ZFHX3: variants seen among roughly 807,000 people sequenced by gnomAD.
ZFHX3 encodes the protein zinc finger homeobox protein 3.
In ZFHX3, 42 loss-of-function variants were observed where a neutral mutation model predicts 279.1. The observed-to-expected ratio is 0.15, with a 90% CI of 0.12 to 0.19. The LOEUF (loss-of-function observed/expected upper bound fraction) is 0.19. Among genes scored for constraint, ZFHX3 ranks in the 10% least tolerant of loss-of-function variants. ZFHX3 has a pLI of 1.00. For synonymous variants in ZFHX3, 2,293 were observed against 1,957.8 expected (o/e 1.17, Z -4.52); for missense variants, 4,981 against 4,754.0 (o/e 1.05, Z -1.40).
chr16:73,090,808 G>A (rs1966066208), intron 8 of ZFHX3, among the ~76,000 whole-genome samples: 1 of 151,598 alleles, frequency 6.6e-6, no homozygotes, highest in African/African-American at 2.4e-5. Flanking sequence ...CTACTTGAGA[G>A]GCTGAGGTGG....
At chr16:73,110,023 G>A (rs2144797661) in intron 7 of ZFHX3, among the ~76,000 whole-genome samples, 1 of 152,164 alleles carries the variant, frequency 6.6e-6, no homozygotes, top group East Asian at 1.9e-4. Context: ...GGCAGATCAT[G>A]AGGTCAGGAG....
chr16:73,445,948 A>G (rs2018178424), intron 3 of ZFHX3, among the ~76,000 whole-genome samples: 1 of 152,158 alleles, frequency 6.6e-6, no homozygotes, highest in Non-Finnish European at 1.5e-5. Flanking sequence ...TTGCTGGATA[A>G]TGTTCTCTTT....
chr16:72,827,654 G>A (rs2036966639), intron 5 of ZFHX3, among the ~76,000 whole-genome samples: 1 of 152,204 alleles, frequency 6.6e-6, no homozygotes, highest in Admixed American at 6.5e-5. Context: ...CTGGGATCTT[G>A]GTCCAGGCAA....
chr16:73,715,806 TCG>T (rs1372953098), intron 1 of ZFHX3, among the ~76,000 whole-genome samples: 1 of 151,926 alleles, frequency 6.6e-6, no homozygotes, highest in African/African-American at 2.4e-5. Flanking sequence ...ACTCCTGACG[TCG>T]TGATCCACCC....
intron 5 of ZFHX3, among the ~76,000 whole-genome samples, chr16:73,176,466 A>C (rs1361450746): frequency 1.3e-5 from 2 of 152,166 alleles, no homozygotes; most frequent in Non-Finnish European, 2.9e-5. Context: ...ATTGAAGCTG[A>C]GTAACATGAG....
intron 3 of ZFHX3, among the ~76,000 whole-genome samples, chr16:73,381,560 T>C (rs1418659789): frequency 6.6e-6 from 1 of 152,162 alleles, no homozygotes; most frequent in Admixed American, 6.5e-5. Context: ...GGGCAGAAAG[T>C]GATTTATTTT....
At chr16:73,824,033 T>C (rs537328953) in intron 1 of ZFHX3, among the ~76,000 whole-genome samples, 2 of 152,334 alleles carry the variant, frequency 1.3e-5, no homozygotes, top group African/African-American at 4.8e-5. Flanking sequence ...GTTGATTCCC[T>C]TAAGGAATTA....
chr16:73,248,820 T>C (rs1567430041), intron 5 of ZFHX3, among the ~76,000 whole-genome samples: 1 of 152,100 alleles, frequency 6.6e-6, no homozygotes, highest in Admixed American at 6.5e-5. Context: ...TTTTTTTTAA[T>C]TGAAAAACAT....
At position 72,788,692 on chromosome 16, in the gene ZFHX3, G is replaced by GC; in HGVS notation, c.9583_9584insG (p.Pro3195ArgfsTer44). On this transcript the variant is annotated frameshift_variant, in exon 10 of 10. Transcript: ENST00000268489. LOFTEE classifies it high-confidence loss of function. ...CTGCTGCTGCTGCTGCTGCTGGGGG[G>GC]GTTGCTGAGGGCCCATCGCCATCGT... is the stretch of plus-strand genomic sequence containing the variant. 1.2e-6 allele frequency: 2 copies of GC among 1,612,826 alleles called. No homozygotes were observed.
intron 1 of ZFHX3, among the ~76,000 whole-genome samples, chr16:72,979,220 G>A (rs983536795): frequency 6.6e-6 from 1 of 152,226 alleles, no homozygotes; most frequent in Non-Finnish European, 1.5e-5. Flanking sequence ...CAGCGCTCCT[G>A]TGTCCAAGGC....
chr16:73,380,094 A>G (rs1261151866), intron 3 of ZFHX3, among the ~76,000 whole-genome samples: 1 of 152,260 alleles, frequency 6.6e-6, no homozygotes, highest in Admixed American at 6.5e-5. Context: ...TGTGGACATC[A>G]GAAAAAAATG....
At chr16:72,976,535 G>C (rs1011931747) in intron 1 of ZFHX3, among the ~76,000 whole-genome samples, 1 of 152,204 alleles carries the variant, frequency 6.6e-6, no homozygotes, top group Non-Finnish European at 1.5e-5. Context: ...TGTCGATACA[G>C]ACTCCTACGA....
intron 3 of ZFHX3, chr16:73,420,966 C>G (rs1469188694): frequency 6.6e-6 from 1 of 152,238 alleles, no homozygotes; most frequent in Non-Finnish European, 1.5e-5. Context: ...CATGCCCATT[C>G]TCCTTCTGCA....
intron 1 of ZFHX3, among the ~76,000 whole-genome samples, chr16:73,842,256 G>A (rs1397358626): frequency 6.6e-6 from 1 of 151,970 alleles, no homozygotes; most frequent in African/African-American, 2.4e-5. Context: ...GAGAAACAAT[G>A]ATTGCAAGCC....
chr16:73,591,692 CAAAAAAAAAAAAA>C, intron 2 of ZFHX3, among the ~76,000 whole-genome samples: 1 of 33,442 alleles, frequency 3.0e-5, no homozygotes, highest in South Asian at 2.9e-3. Flanking sequence ...GACTCTGTCT[CAAAAAAAAAAAAA>C]AAAAAAAAAA....
chr16:72,788,748 C>G lies in ZFHX3; in HGVS notation c.9528G>C (p.Ala3176=), dbSNP rs774646209. The G allele has an allele frequency of 1.3e-6, 2 of 1,583,320 alleles. No homozygotes were observed. The highest frequency in any genetic ancestry group is 1.7e-6 in the Non-Finnish European group (2 of 1,165,708). The part of the protein sequence containing the change: ...TSGLPNKPSS[A]SLSSPTPAQA... Reference sequence around the variant, plus strand: ...GTGCTGGGGTTGGGGAGCTCAGCGACGCTGAGGACGGTTTATTTGGTAATC... The same window carrying G: ...GTGCTGGGGTTGGGGAGCTCAGCGAGGCTGAGGACGGTTTATTTGGTAATC... Residue 3176 remains alanine (A), a synonymous_variant, in exon 10 of 10, where the codon GCG becomes GCC. Transcript: ENST00000268489.
intron 5 of ZFHX3, among the ~76,000 whole-genome samples, chr16:73,218,955 C>T (rs913628410): frequency 2.0e-5 from 3 of 152,174 alleles, no homozygotes; most frequent in Admixed American, 6.5e-5. Flanking sequence ...CTCCCATTTC[C>T]TCTTCCCCCA....
At chr16:72,892,832 T>A (rs1033535394) in intron 3 of ZFHX3, among the ~76,000 whole-genome samples, 1 of 152,292 alleles carries the variant, frequency 6.6e-6, no homozygotes, top group East Asian at 1.9e-4. Flanking sequence ...TAAAAAATGA[T>A]TTAACCTCAC....
chr16:73,205,317 T>C (rs749307335), intron 5 of ZFHX3, among the ~76,000 whole-genome samples: 21 of 152,200 alleles, frequency 1.4e-4, no homozygotes, highest in Admixed American at 1.2e-3. Context: ...ATACATAAAT[T>C]AGTCTTGCAG....
Sources: gnomAD v4.1 joint callset for allele counts (sites outside exome capture counted in the v4.1 genomes callset) on GRCh38, gnomAD v4.1.1 for gene constraint, MANE v1.5 for transcripts, NCBI Gene and HGNC (gene_info 2026-07-23, HGNC 2026-07-21) for gene names.